The following OR1J2 variants were observed in gnomAD, a reference collection of about 807,000 sequenced individuals.
The protein encoded by OR1J2 is olfactory receptor family 1 subfamily J member 2.
For synonymous variants in OR1J2, 142 were observed against 99.7 expected, an observed-to-expected ratio of 1.42 and a Z score of -2.52; for missense variants, 304 against 246.1, an observed-to-expected ratio of 1.24 and a Z score of -1.57.
chr9:122,493,059 T>C, the OR1J2 span, among the ~76,000 whole-genome samples: 286 of 152,314 alleles, frequency 1.9e-3, 1 homozygote, highest in Non-Finnish European at 3.5e-3. Flanking sequence ...GAAACCCACT[T>C]GATCATGGTG....
the OR1J2 span, among the ~76,000 whole-genome samples, chr9:122,552,872 C>A: frequency 0.53 from 79,205 of 150,760 alleles, 21,100 homozygotes; most frequent in East Asian, 0.66. Flanking sequence ...CTTTTCTAAT[C>A]TTGCCATCAA....
chr9:122,520,073 A>G, the OR1J2 span: 12 of 1,609,160 alleles, frequency 7.5e-6, no homozygotes, highest in African/African-American at 1.3e-5. Flanking sequence ...CAACAGTCTT[A>G]TCTCAATGAC....
At chr9:122,579,628 A>T in the OR1J2 span, among the ~76,000 whole-genome samples, 2 of 152,166 alleles carry the variant, frequency 1.3e-5, no homozygotes. Flanking sequence ...ATTAGTTGTG[A>T]TGTTTACATT....
chr9:122,461,818 A>G, the OR1J2 span, among the ~76,000 whole-genome samples: 430 of 152,178 alleles, frequency 2.8e-3, no homozygotes, highest in African/African-American at 9.9e-3. Context: ...ATCTACTGAG[A>G]CTTGTTTTGT....
the OR1J2 span, among the ~76,000 whole-genome samples, chr9:122,539,456 A>G: frequency 6.6e-6 from 1 of 152,136 alleles, no homozygotes; most frequent in Admixed American, 6.5e-5. Context: ...ATCATTTTTT[A>G]TGGCTGCATA....
At chr9:122,560,943 C>T in the OR1J2 span, among the ~76,000 whole-genome samples, 1 of 152,174 alleles carries the variant, frequency 6.6e-6, no homozygotes, top group Non-Finnish European at 1.5e-5. Flanking sequence ...TTCCATTCTT[C>T]CCATCTCTTT....
At chr9:122,545,063 C>T in the OR1J2 span, among the ~76,000 whole-genome samples, 12 of 152,124 alleles carry the variant, frequency 7.9e-5, no homozygotes, top group East Asian at 2.3e-3. Context: ...AAAATATTTT[C>T]TAATGTCCCT....
At chr9:122,553,619 C>T in the OR1J2 span, 7 of 1,614,122 alleles carry the variant, frequency 4.3e-6, no homozygotes, top group Non-Finnish European at 5.9e-6. Context: ...TCCATTACAG[C>T]ACATCTATGA....
upstream of OR1J2, chr9:122,510,654 CAGA>C: frequency 3.8e-5 from 21 of 545,468 alleles, no homozygotes; most frequent in Non-Finnish European, 6.2e-5. Flanking sequence ...TTCCTCCCCA[CAGA>C]CCCCCGATAG....
At chr9:122,498,564 A>C in the OR1J2 span, among the ~76,000 whole-genome samples, 1 of 152,164 alleles carries the variant, frequency 6.6e-6, no homozygotes, top group Non-Finnish European at 1.5e-5. Context: ...GTTGATTTTC[A>C]ACCTTGCCTT....
the OR1J2 span, among the ~76,000 whole-genome samples, chr9:122,503,126 A>C: frequency 3.9e-5 from 6 of 152,216 alleles, no homozygotes; most frequent in African/African-American, 1.4e-4. Flanking sequence ...CTGTATATGC[A>C]TTGTACCACC....
the OR1J2 span, among the ~76,000 whole-genome samples, chr9:122,470,721 A>C: frequency 2.0e-5 from 3 of 152,186 alleles, no homozygotes; most frequent in Admixed American, 6.5e-5. Context: ...GGGAGGCTGT[A>C]CCCTGCAAAG....
chr9:122,447,706 C>T, the OR1J2 span, among the ~76,000 whole-genome samples: 2 of 152,026 alleles, frequency 1.3e-5, no homozygotes, highest in African/African-American at 4.8e-5. Context: ...TTCCTCCGCT[C>T]CTCCTTCCTT....
the OR1J2 span, among the ~76,000 whole-genome samples, chr9:122,498,421 C>T: frequency 6.6e-6 from 1 of 152,156 alleles, no homozygotes; most frequent in Non-Finnish European, 1.5e-5. Flanking sequence ...TTGGTCCAGT[C>T]TATTGATGAA....
the OR1J2 span, among the ~76,000 whole-genome samples, chr9:122,560,096 C>CT: frequency 2.0e-5 from 3 of 152,174 alleles, no homozygotes; most frequent in Non-Finnish European, 4.4e-5. Context: ...CCTTGTTTGT[C>CT]TTTTTTTATT....
the OR1J2 span, chr9:122,553,137 C>T: frequency 5.3e-6 from 8 of 1,510,180 alleles, no homozygotes; most frequent in Non-Finnish European, 7.2e-6. Flanking sequence ...AGATGCATAT[C>T]TGTAAATTGA....
the OR1J2 span, among the ~76,000 whole-genome samples, chr9:122,579,202 T>C: frequency 2.0e-5 from 3 of 152,182 alleles, no homozygotes; most frequent in Non-Finnish European, 1.5e-5. Flanking sequence ...TGTGGACTAA[T>C]TATTTGATAG....
At chr9:122,526,392 C>T in the OR1J2 span, 2 of 1,507,352 alleles carry the variant, frequency 1.3e-6, no homozygotes, top group Non-Finnish European at 1.8e-6. Flanking sequence ...ACTGAAGAGC[C>T]TCTTTAGGGC....
the OR1J2 span, among the ~76,000 whole-genome samples, chr9:122,465,684 C>T: frequency 1.3e-5 from 2 of 152,168 alleles, no homozygotes; most frequent in South Asian, 4.1e-4. Flanking sequence ...CTACAATTGC[C>T]TCCTTATGAG....
Sources: allele counts gnomAD v4.1 joint callset (sites outside exome capture counted in the v4.1 genomes callset), GRCh38; gene constraint gnomAD v4.1.1; transcripts MANE v1.5; gene names NCBI Gene and HGNC (gene_info 2026-07-23, HGNC 2026-07-21).